The following REN variants were observed in gnomAD, a reference collection of about 807,000 sequenced individuals.
REN encodes renin.
A neutral mutation model predicts 48.6 loss-of-function variants in REN; 42 were observed. The observed-to-expected ratio is 0.86, with a 90% CI of 0.68 to 1.12. The LOEUF (loss-of-function observed/expected upper bound fraction) is 1.12, where lower values mean the gene tolerates loss of function less well. REN is among the 50% of genes most tolerant of loss of function. The pLI, the probability that REN is intolerant of heterozygous loss-of-function variation, is 0.00. For synonymous variants in REN, 196 were observed against 204.6 expected, an observed-to-expected ratio of 0.96 and a Z score of 0.36; for missense variants, 443 against 527.3, an observed-to-expected ratio of 0.84 and a Z score of 1.57.
Position 204,156,112 on chromosome 1 carries a change from G to C in REN, c.960+66C>G. Reference sequence around the variant, plus strand: ...CTGAGATGGCCTCATTTGCCTGGGGGATTTGTGAGCCGATACCAGGTGGCG... The same window carrying C: ...CTGAGATGGCCTCATTTGCCTGGGGCATTTGTGAGCCGATACCAGGTGGCG... On this transcript the variant is annotated intron_variant, in intron 8 of 9. Coordinates refer to ENST00000272190, the MANE Select transcript of REN (RefSeq NM_000537.4). This position sits in a 1 kb window ranked among gnomAD's most constrained non-coding sequence, Gnocchi z 4.2. The C allele has an allele frequency of 6.2e-7, 1 of 1,608,202 alleles. No homozygotes were observed. The highest frequency in any genetic ancestry group is 1.3e-5 in the African/African-American group (1 of 74,910).
chr1:204,158,702 A>G (rs535490630), intron 5 of REN, among the ~76,000 whole-genome samples: 31 of 152,320 alleles, frequency 2.0e-4, no homozygotes, highest in African/African-American at 7.2e-4. Context: ...ATATAAGCTC[A>G]GCCTAGAATT....
In REN at chr1:204,156,707, T is replaced by C. The variant is rs751871530; in HGVS notation, c.788A>G (p.Lys263Arg). 6 of 1,613,724 alleles carry C rather than the reference T, an allele frequency of 3.7e-6. No homozygotes were observed. In the Admixed American group the frequency reaches 1.0e-4, roughly 27 times the overall value. ...CATTTGAATCTGCCAGACACCAGTCTTGATGAGGTTGATATAGTGGAAATT... is the reference window on the plus strand; with the variant it reads ...CATTTGAATCTGCCAGACACCAGTCCTGATGAGGTTGATATAGTGGAAATT... ...EGNFHYINLI[K>R]TGVWQIQMKG... The change falls in exon 7 of 10, where the codon AAG becomes AGG. Residue 263 changes from lysine (K) to arginine (R), a missense_variant. Transcript: ENST00000272190. This position sits in a 1 kb window ranked among gnomAD's most constrained non-coding sequence, Gnocchi z 4.2.
At chr1:204,162,621 G>T (rs1041863280) in intron 1 of REN, among the ~76,000 whole-genome samples, 4 of 152,210 alleles carry the variant, frequency 2.6e-5, no homozygotes, top group Admixed American at 2.6e-4. Context: ...GCCAGGGAGT[G>T]CCCCTGTCAA....
In REN at chr1:204,159,422, G is replaced by T. The variant is rs773236366; in HGVS notation, c.666C>A (p.Asp222Glu). The change falls in exon 5 of 10, where the codon GAC (aspartate) becomes GAA (glutamate). Residue 222 changes from aspartate to glutamate, a missense_variant. Coordinates refer to ENST00000272190, the MANE Select transcript of REN (RefSeq NM_000537.4). ...ACCTGTTGTAGTAGAAAGAGAAGAC[G>T]TCCTCTTTTAGCACCCCTTGGGAGA... ...NIISQGVLKE[D>E]VFSFYYNRDS... 1 of 1,613,802 alleles carries T rather than the reference G, an allele frequency of 6.2e-7. No individual in the cohort carries two copies. The highest frequency in any genetic ancestry group is 1.7e-5 in the Admixed American group (1 of 59,982).
Position 204,154,947 on chromosome 1 carries a change from G to T in REN, c.*69C>A. On this transcript the variant is annotated 3_prime_UTR_variant, in exon 10 of 10. Transcript: ENST00000272190. ...CTGAGGGCATAAGCCCAGGCAGAGG[G>T]GCATCTCAGAGAGTGTTCCAGCTCT... The T allele has an allele frequency of 6.4e-7, 1 of 1,570,266 alleles. No individual in the cohort carries two copies. Among genetic ancestry groups the T allele is most frequent in the South Asian group, 1.1e-5 (1 of 89,640 alleles).
Position 204,155,886 on chromosome 1 carries a change from G to A in REN, c.993C>T (p.Leu331=), listed in dbSNP as rs137878748. The A allele has an allele frequency of 6.2e-6, 10 of 1,614,070 alleles. No homozygotes were observed. The African/African-American group carries it at 1.1e-4, about 17-fold the overall frequency. ...CTCCCAGGTGGAAAGAGATGTCGGGGAGTGTAGGGCCCTCGTTACACTTCA... is the reference window on the plus strand; with the variant it reads ...CTCCCAGGTGGAAAGAGATGTCGGGAAGTGTAGGGCCCTCGTTACACTTCA... ...YVVKCNEGPT[L]PDISFHLGGK... The change falls in exon 9 of 10, where the codon CTC becomes CTT. Residue 331 remains leucine, a synonymous_variant. Transcript: ENST00000272190.
Position 204,162,018 on chromosome 1 carries a change from T to TGTA in REN, c.241_243dup (p.Tyr81dup), listed in dbSNP as rs753950998. On this transcript the variant is annotated inframe_insertion, in exon 2 of 10. Coordinates refer to ENST00000272190, the MANE Select transcript of REN (RefSeq NM_000537.4). ...GGGCTGAGCCAAGCACTCACGTCCA[T>TGTA]GTAGTTGGTGAGGATCACGGAGGAG... The TGTA allele has an allele frequency of 5.6e-6, 9 of 1,613,958 alleles. No homozygotes were observed. The African/African-American group carries it at 1.1e-4, about 19-fold the overall frequency.
At chr1:204,155,377 G>A (rs1206402760) in intron 9 of REN, among the ~76,000 whole-genome samples, 200 bp from the exon 10 acceptor site, 4 of 152,180 alleles carry the variant, frequency 2.6e-5, no homozygotes, top group African/African-American at 9.7e-5. Flanking sequence ...CCCTGTGCTA[G>A]ATCCCAGGCA....
Position 204,159,483 on chromosome 1 carries a change from G to T in REN, c.605C>A (p.Ala202Asp). 1 of 1,614,130 alleles carries T rather than the reference G, an allele frequency of 6.2e-7. No individual in the cohort carries two copies. Among genetic ancestry groups the T allele is most frequent in the Non-Finnish European group, 8.5e-7 (1 of 1,180,020 alleles). ...GVVGMGFIEQ[A>D]IGRVTPIFDN... is the part of the protein sequence containing the mutation. ...GAAGATAGGGGTGACCCTGCCAATG[G>T]CCTGTTCAATGAAGCCCATGCCCAC... Residue 202 changes from alanine (A) to aspartate (D), a missense_variant, in exon 5 of 10, where the codon GCC becomes GAC. By Grantham distance (126) the Ala-to-Asp change is moderately radical. Transcript: ENST00000272190.
chr1:204,158,449 A>C (rs1571646206), intron 5 of REN, among the ~76,000 whole-genome samples: 1 of 118,828 alleles, frequency 8.4e-6, no homozygotes. Context: ...ACTGGATCTC[A>C]CTCTGTTGCC....
At position 204,159,543 on chromosome 1, in the gene REN, G is replaced by C; in HGVS notation, c.545C>G (p.Ala182Gly). 2 of 1,614,174 alleles carry C rather than the reference G, an allele frequency of 1.2e-6. No homozygotes were observed. The highest frequency in any genetic ancestry group is 2.2e-5 in the South Asian group (2 of 91,082). Residue 182 changes from alanine to glycine, a missense_variant, in exon 5 of 10, where the codon GCC becomes GGC. Ala to Gly is a moderately conservative substitution (Grantham distance 60, BLOSUM62 0). Transcript: ENST00000272190. ...AAACTCGGCCAGCATGAAGGGTAAG[G>C]CGGGCATCTCCGTGACCTCTCCAAA... Reference protein sequence around the residue: ...QMFGEVTEMPALPFMLAEFDG... With the variant: ...QMFGEVTEMPGLPFMLAEFDG...
intron 5 of REN, 73 bp downstream of exon 5, chr1:204,159,326 G>T: frequency 1.4e-6 from 2 of 1,386,168 alleles, no homozygotes; most frequent in South Asian, 1.2e-5. Context: ...TTCTGGCCCA[G>T]ACTCTCCTTC....
chr1:204,159,691 A>ATGTG, intron 4 of REN, 96 bp from the exon 5 acceptor site: 2 of 1,036,984 alleles, frequency 1.9e-6, no homozygotes, highest in Non-Finnish European at 3.0e-6. Context: ...AGGGGCACAC[A>ATGTG]TGCTCCAGGG....
rs200760827 is a variant in REN, at chr1:204,155,017, C to T, written c.1220G>A (p.Ter407=). The change falls in exon 10 of 10, where the codon TGA becomes TAA. Residue 407 remains the stop codon, a stop_retained_variant. Coordinates refer to ENST00000272190, the MANE Select transcript of REN (RefSeq NM_000537.4). ...GGCCTGCCTGGGTGGCAGAGGGCCT[C>T]AGCGGGCCAAGGCGAAGCCAATGCG... ...NNRIGFALAR[*] The T allele has an allele frequency of 2.5e-6, 4 of 1,613,848 alleles. No individual in the cohort carries two copies. The Admixed American group carries it at 5.0e-5, about 20-fold the overall frequency.
Position 204,166,316 on chromosome 1 carries a change from C to T in REN, c.-23G>A. ...CATGCTTCCCTCAGTCTGGGGCTCT[C>T]TCTGAGATCCACTGAGGTTCTGTGG... On this transcript the variant is annotated 5_prime_UTR_variant, in exon 1 of 10. Transcript: ENST00000272190. 1 of 1,605,814 alleles carries T rather than the reference C, an allele frequency of 6.2e-7. No individual in the cohort carries two copies.
chr1:204,160,321 G>A (rs549667416), intron 4 of REN, among the ~76,000 whole-genome samples: 193 of 152,362 alleles, frequency 1.3e-3, no homozygotes, highest in African/African-American at 4.3e-3. Context: ...CTACATGCAA[G>A]TTAGATGCAA....
chr1:204,160,493 G>C, intron 4 of REN, 67 bp downstream of exon 4: 1 of 1,068,246 alleles, frequency 9.4e-7, no homozygotes, highest in South Asian at 1.2e-5. Flanking sequence ...TGTGGGCCCT[G>C]GAGGGTCAGG....
At chr1:204,161,165 G>T in intron 3 of REN, 127 bp downstream of exon 3, 3 of 1,057,086 alleles carry the variant, frequency 2.8e-6, no homozygotes, top group South Asian at 1.9e-5. Flanking sequence ...ATGTCAGTGG[G>T]CACAGAGGCA....
intron 5 of REN, among the ~76,000 whole-genome samples, chr1:204,158,494 T>C (rs1658189805): frequency 6.8e-6 from 1 of 147,244 alleles, no homozygotes. Context: ...CACTGCTCAC[T>C]GAAGCCTTAA....
Sources: allele counts gnomAD v4.1 joint callset (sites outside exome capture counted in the v4.1 genomes callset), GRCh38; gene constraint gnomAD v4.1.1; non-coding constraint Gnocchi (gnomAD v3.1); transcripts MANE v1.5; gene names NCBI Gene and HGNC (gene_info 2026-07-23, HGNC 2026-07-21).